Variants in IQSEC2 observed in about 807,000 individuals in gnomAD.
The protein encoded by IQSEC2 is IQ motif and Sec7 domain ArfGEF 2, also known as IQ motif and SEC7 domain-containing protein 2.
IQSEC2 carries 6 observed loss-of-function variants against 74.6 expected under a neutral mutation model. The ratio of observed to expected loss-of-function variants is 0.08; its 90% CI spans 0.04 to 0.16. The LOEUF is 0.16. Among genes scored for constraint, IQSEC2 ranks in the 10% least tolerant of loss-of-function variants. The probability of loss-of-function intolerance (pLI) is 1.00; values close to 1 mark genes in which losing one functional copy is unlikely to be tolerated. For missense variants in IQSEC2, 734 were observed against 1,306.2 expected, an observed-to-expected ratio of 0.56 and a Z score of 6.75; for synonymous variants, 494 against 544.5, an observed-to-expected ratio of 0.91 and a Z score of 1.29.
chrX:53,298,129 C>CAA lies in IQSEC2; in HGVS notation c.708-6207_708-6206dup, dbSNP rs35960007. Among the ~76,000 whole-genome samples, 3 of 109,940 alleles carry CAA rather than the reference C, an allele frequency of 2.7e-5. No homozygotes were observed. The Admixed American group carries it at 2.9e-4, about 11-fold the overall frequency. On this transcript the variant is annotated intron_variant, in intron 1 of 14. Coordinates refer to ENST00000642864, the MANE Select transcript of IQSEC2 (RefSeq NM_001111125.3). ...CGGGCGACACAGCGAGACTCCGTCT[C>CAA]AAAAAAAAGAAAAAAGAACCTCTCT...
intron 2 of IQSEC2, among the ~76,000 whole-genome samples, chrX:53,276,075 C>T (rs2074829002): frequency 9.0e-6 from 1 of 111,490 alleles, no homozygotes. Context: ...AAACTCCAAT[C>T]ACTCAAATCC....
At chrX:53,318,825 A>G (rs2075402200) in intron 1 of IQSEC2, among the ~76,000 whole-genome samples, 1 of 112,622 alleles carries the variant, frequency 8.9e-6, no homozygotes, top group Non-Finnish European at 1.9e-5. Context: ...TACCCCATGC[A>G]GTCTTCCTCT....
chrX:53,268,056 T>C (rs1429063167), intron 2 of IQSEC2, among the ~76,000 whole-genome samples: 1 of 111,762 alleles, frequency 8.9e-6, no homozygotes, highest in Non-Finnish European at 1.9e-5. Context: ...AGGCTGCATG[T>C]GGCATTCACT....
At chrX:53,261,687 C>A (rs964175733) in intron 2 of IQSEC2, among the ~76,000 whole-genome samples, 1 of 111,949 alleles carries the variant, frequency 8.9e-6, no homozygotes, top group South Asian at 3.7e-4. Flanking sequence ...CACACACACA[C>A]GCCCATGTGC....
chrX:53,281,845 C>T (rs782289306), intron 2 of IQSEC2, among the ~76,000 whole-genome samples: 3 of 111,953 alleles, frequency 2.7e-5, no homozygotes, highest in South Asian at 3.8e-4. Flanking sequence ...GCTCTATTCT[C>T]CTGAACAGAA....
chrX:53,241,494 T>C (rs1556860823), intron 10 of IQSEC2, among the ~76,000 whole-genome samples: 2 of 111,804 alleles, frequency 1.8e-5, no homozygotes, highest in Non-Finnish European at 3.8e-5. Flanking sequence ...CTATGGGCTA[T>C]TGAGGTGGAC....
intron 2 of IQSEC2, among the ~76,000 whole-genome samples, chrX:53,288,273 A>G (rs782631690): frequency 1.8e-5 from 2 of 111,807 alleles, no homozygotes; most frequent in East Asian, 2.8e-4. Flanking sequence ...CCTGTAGGAC[A>G]GATTGGAGCA....
chrX:53,303,016 A>G (rs77092540), intron 1 of IQSEC2, among the ~76,000 whole-genome samples: 8,091 of 110,812 alleles, frequency 0.073, 595 homozygotes, highest in African/African-American at 0.22. Flanking sequence ...AAGCCTGGAC[A>G]ACACAGGGAG....
chrX:53,237,874 T>G, intron 12 of IQSEC2: 1 of 385,325 alleles, frequency 2.6e-6, no homozygotes, highest in East Asian at 4.6e-5. Flanking sequence ...ACTATAGTCC[T>G]ACCTCCAATA....
In IQSEC2 at chrX:53,235,111, T is replaced by A; in HGVS notation, c.3575A>T (p.Tyr1192Phe). 1.0e-6 allele frequency: 1 copy of A among 989,019 alleles called. No homozygotes were observed. The highest frequency in any genetic ancestry group is 1.3e-6 in the Non-Finnish European group (1 of 759,390). The allele number at this position is 989,019 out of a possible 1,213,427, so 81.5% of individuals were successfully genotyped here. A position where few individuals can be genotyped will look rare whatever the true frequency, so the allele number is the denominator to read the frequency against. ...PPPPPPPPEE[Y>F]KSQRPVSNSS... is the part of the protein sequence containing the mutation. ...GTTGGAGACGGGCCTCTGGCTCTTG[T>A]ACTCCTCTGGCGGCGGGGGTGGGGG... The change falls in exon 15 of 15, where the codon TAC becomes TTC. Residue 1192 changes from tyrosine (Y) to phenylalanine (F), a missense_variant. Transcript: ENST00000642864.
intron 1 of IQSEC2, among the ~76,000 whole-genome samples, chrX:53,315,478 C>T (rs1268061507): frequency 2.7e-5 from 3 of 111,501 alleles, no homozygotes; most frequent in South Asian, 3.8e-4. Flanking sequence ...TAGAACACTG[C>T]GGACCCTGAA....
intron 4 of IQSEC2, among the ~76,000 whole-genome samples, chrX:53,253,695 G>C (rs1602289617): frequency 8.9e-6 from 1 of 111,859 alleles, no homozygotes; most frequent in Non-Finnish European, 1.9e-5. Context: ...TCATGGCTCA[G>C]AGCACACTCT....
At chrX:53,311,071 G>A (rs2075315978) in intron 1 of IQSEC2, among the ~76,000 whole-genome samples, 1 of 86,364 alleles carries the variant, frequency 1.2e-5, no homozygotes, top group Non-Finnish European at 2.2e-5. Context: ...AGTGAGCCGA[G>A]ATCGCGCCAT....
intron 3 of IQSEC2, 136 bp downstream of exon 3, chrX:53,255,664 G>T: frequency 1.4e-6 from 1 of 727,239 alleles, no homozygotes; most frequent in Non-Finnish European, 2.1e-6. Flanking sequence ...TGGGGTGAAG[G>T]GTCCTGGGCC....
intron 1 of IQSEC2, among the ~76,000 whole-genome samples, chrX:53,293,002 A>C (rs894957446): frequency 8.9e-6 from 1 of 112,323 alleles, no homozygotes; most frequent in Admixed American, 9.4e-5. Flanking sequence ...AGATGAACAC[A>C]GCACAGGCTC....
intron 1 of IQSEC2, among the ~76,000 whole-genome samples, chrX:53,316,722 C>T (rs1556879168): frequency 9.1e-6 from 1 of 109,638 alleles, no homozygotes; most frequent in African/African-American, 3.3e-5. Flanking sequence ...GCAATTATTG[C>T]TCACTGCAGC....
chrX:53,252,385 A>C (rs1302936277), intron 4 of IQSEC2, among the ~76,000 whole-genome samples: 4 of 111,388 alleles, frequency 3.6e-5, no homozygotes, highest in South Asian at 7.5e-4. Flanking sequence ...AAAAAAAAAA[A>C]AAAAAACTGC....
intron 2 of IQSEC2, among the ~76,000 whole-genome samples, chrX:53,287,307 C>G (rs1273561759): frequency 8.9e-6 from 1 of 112,418 alleles, no homozygotes. Flanking sequence ...ATAAAGAACA[C>G]TTAGGTAGAG....
chrX:53,240,059 T>C (rs189938072), intron 10 of IQSEC2, among the ~76,000 whole-genome samples: 24 of 111,592 alleles, frequency 2.2e-4, no homozygotes, highest in African/African-American at 7.5e-4. Context: ...TGTCTACACA[T>C]TGACTGTGTG....
Sources: allele counts gnomAD v4.1 joint callset (sites outside exome capture counted in the v4.1 genomes callset), GRCh38; gene constraint gnomAD v4.1.1; transcripts MANE v1.5; gene names NCBI Gene and HGNC (gene_info 2026-07-23, HGNC 2026-07-21).